Variants in ZNF695 observed in about 807,000 individuals in gnomAD.
The protein encoded by ZNF695 is zinc finger protein SBZF3.
In ZNF695, 11 loss-of-function variants were observed where a neutral mutation model predicts 11.2. That is an observed-to-expected ratio of 0.98 (90% CI 0.62 to 1.62). The LOEUF (loss-of-function observed/expected upper bound fraction) is 1.62, where lower values mean the gene tolerates loss of function less well. ZNF695 is among the 40% of genes most tolerant of loss of function. The probability of loss-of-function intolerance (pLI) is 0.00; values close to 1 mark genes in which losing one functional copy is unlikely to be tolerated. For synonymous variants in ZNF695, 190 were observed against 201.4 expected, an observed-to-expected ratio of 0.94 and a Z score of 0.48; for missense variants, 559 against 590.5, an observed-to-expected ratio of 0.95 and a Z score of 0.55.
At chr1:246,997,682 T>C (rs868200803) in intron 3 of ZNF695, among the ~76,000 whole-genome samples, 19 of 152,194 alleles carry the variant, frequency 1.2e-4, no homozygotes, top group Non-Finnish European at 2.2e-4. Flanking sequence ...TTGTGAATGC[T>C]GAATGGATAA....
rs1454415773 is a variant in ZNF695, at chr1:246,993,126, T to C, written c.260-4871A>G. On this transcript the variant is annotated intron_variant, in intron 3 of 3. Coordinates refer to ENST00000339986, the MANE Select transcript of ZNF695 (RefSeq NM_020394.5). ...GTGAAAACCTCTGTAATTAAGAAAA[T>C]AGCCGGGTGCAGTGGCTCACGCCAG... Among the ~76,000 whole-genome samples, 10 of 152,056 alleles carry C rather than the reference T, an allele frequency of 6.6e-5. No individual in the cohort carries two copies. The East Asian group carries it at 1.9e-3, about 29-fold the overall frequency.
intron 1 of ZNF695, among the ~76,000 whole-genome samples, chr1:247,003,019 A>T (rs865917463): frequency 6.6e-6 from 1 of 152,224 alleles, no homozygotes; most frequent in Non-Finnish European, 1.5e-5. Flanking sequence ...ACTGCTGGTG[A>T]AAACATAAAT....
rs573263010 is a variant in ZNF695 at position 246,964,987 on chromosome 1, C to G, written c.488+2708G>C. Reference sequence around the variant, plus strand: ...TGATTGGGTCGTGGGGCTCTGCCCTCATGAATGGATTAGTCTGCTCATGGA... The same window carrying G: ...TGATTGGGTCGTGGGGCTCTGCCCTGATGAATGGATTAGTCTGCTCATGGA... On this transcript the variant is annotated intron_variant, in intron 5 of 5. Transcript: ENST00000487338. 3.3e-5 allele frequency among the ~76,000 whole-genome samples: 5 copies of G among 152,308 alleles called. No individual in the cohort carries two copies. The South Asian group carries it at 1.0e-3, about 32-fold the overall frequency.
chr1:246,998,788 AAACCC>A (rs1224335078), intron 3 of ZNF695, among the ~76,000 whole-genome samples: 1 of 152,134 alleles, frequency 6.6e-6, no homozygotes, highest in Admixed American at 6.5e-5. Flanking sequence ...TAACATGGTG[AAACCC>A]TGTCTCTACT....
chr1:246,991,119 T>C (rs573550807), intron 3 of ZNF695, among the ~76,000 whole-genome samples: 2 of 152,086 alleles, frequency 1.3e-5, no homozygotes, highest in South Asian at 4.2e-4. Flanking sequence ...CAGAAATAAA[T>C]GAAATTAAAA....
At chr1:246,958,189 C>G (rs185380146) in intron 5 of ZNF695, among the ~76,000 whole-genome samples, 2,464 of 150,352 alleles carry the variant, frequency 0.016, 28 homozygotes, top group Non-Finnish European at 0.028. Flanking sequence ...CTCCCGAGTA[C>G]CTGGGACTAC....
chr1:246,965,635 G>A (rs1185393120), intron 5 of ZNF695, among the ~76,000 whole-genome samples: 1 of 151,846 alleles, frequency 6.6e-6, no homozygotes, highest in Non-Finnish European at 1.5e-5. Flanking sequence ...TACTCAGGAG[G>A]CTGATGCAGG....
At chr1:246,969,493 C>G (rs200405426) in intron 4 of ZNF695, 2 of 140,050 alleles carry the variant, frequency 1.4e-5, no homozygotes, top group Non-Finnish European at 3.2e-5. Flanking sequence ...AAGTTCCAAA[C>G]TTTTCCTTAT....
chr1:246,975,684 G>A (rs956985289), intron 4 of ZNF695, among the ~76,000 whole-genome samples: 1 of 152,196 alleles, frequency 6.6e-6, no homozygotes, highest in Non-Finnish European at 1.5e-5. Context: ...GAGCTAGGAA[G>A]CATATACAAC....
rs762248546 is a variant in ZNF695 at position 246,988,269 on chromosome 1, AAAC to A, written c.260-17_260-15del. On this transcript the variant is annotated splice_polypyrimidine_tract_variant and intron_variant, in intron 3 of 3. Coordinates refer to ENST00000339986, the MANE Select transcript of ZNF695 (RefSeq NM_020394.5). ...AAGAAGACAAAACTGGAAAAAATAA[AAAC>A]AACAAATTATTCCACTTACTAGATA... 1 of 1,525,212 alleles carries A rather than the reference AAAC, an allele frequency of 6.6e-7. No homozygotes were observed. Among genetic ancestry groups the A allele is most frequent in the South Asian group, 1.3e-5 (1 of 76,190 alleles). 94.5% of individuals were successfully genotyped at this position (1,525,212 alleles called of 1,614,324 possible). A position where few individuals can be genotyped will look rare whatever the true frequency, so the allele number is the denominator to read the frequency against.
intron 5 of ZNF695, among the ~76,000 whole-genome samples, chr1:246,959,110 A>T (rs914599518): frequency 6.7e-6 from 1 of 150,264 alleles, no homozygotes; most frequent in Non-Finnish European, 1.5e-5. Flanking sequence ...ACATAGCAAG[A>T]CCCTGTCTCT....
intron 3 of ZNF695, among the ~76,000 whole-genome samples, chr1:246,996,545 T>C (rs956540041): frequency 1.3e-5 from 2 of 151,908 alleles, no homozygotes; most frequent in Non-Finnish European, 1.5e-5. Flanking sequence ...GAAAAATAAA[T>C]AAATAAAACC....
chr1:246,975,158 T>C (rs149458368), intron 4 of ZNF695, among the ~76,000 whole-genome samples: 3 of 152,344 alleles, frequency 2.0e-5, no homozygotes, highest in Non-Finnish European at 2.9e-5. Context: ...TAAGGATCCT[T>C]ACATATATTG....
chr1:247,007,828 A>G lies in ZNF695; in HGVS notation c.3+78T>C, dbSNP rs1176845013. The G allele has an allele frequency of 5.5e-6, 8 of 1,451,042 alleles. No individual in the cohort carries two copies. In the African/African-American group the frequency reaches 1.0e-4, roughly 18 times the overall value. 89.9% of individuals were successfully genotyped at this position (1,451,042 alleles called of 1,614,324 possible). A position where few individuals can be genotyped will look rare whatever the true frequency, so the allele number is the denominator to read the frequency against. ...GACCGCCGGGAGGCCCGGGGCCGCCAGCGCTGGTTCCAGCCAATTCCAACC... is the reference window on the plus strand; with the variant it reads ...GACCGCCGGGAGGCCCGGGGCCGCCGGCGCTGGTTCCAGCCAATTCCAACC... On this transcript the variant is annotated intron_variant, in intron 1 of 3. Transcript: ENST00000339986.
chr1:246,994,143 GTTCAT>G, intron 3 of ZNF695, among the ~76,000 whole-genome samples: 1 of 152,090 alleles, frequency 6.6e-6, no homozygotes, highest in Non-Finnish European at 1.5e-5. Context: ...ATAAACATCT[GTTCAT>G]ATAAAAAGAT....
At chr1:246,992,013 G>A (rs901363086) in intron 3 of ZNF695, among the ~76,000 whole-genome samples, 24 of 151,932 alleles carry the variant, frequency 1.6e-4, no homozygotes, top group Non-Finnish European at 3.2e-4. Flanking sequence ...GGCTAACAAC[G>A]TGTAGCCGGG....
At chr1:246,995,712 G>C (rs1327245603) in intron 3 of ZNF695, among the ~76,000 whole-genome samples, 1 of 151,288 alleles carries the variant, frequency 6.6e-6, no homozygotes, top group Non-Finnish European at 1.5e-5. Flanking sequence ...CTACTCAGGA[G>C]GCTGAGGCAG....
rs371815385 is a variant in ZNF695 at position 246,987,245 on chromosome 1, T to C, written c.1270A>G (p.Thr424Ala). Residue 424 changes from threonine to alanine, a missense_variant, in exon 4 of 4, where the codon ACT (threonine) becomes GCT (alanine). Transcript: ENST00000339986. ...GKAFTWFSYL[T>A]QHKRIHTGEK... ...CCAGTATGAATTCTCTTATGTTGAGTAAGGTATGAAAACCAGGTAAAAGCT... is the reference window on the plus strand; with the variant it reads ...CCAGTATGAATTCTCTTATGTTGAGCAAGGTATGAAAACCAGGTAAAAGCT... The C allele has an allele frequency of 1.9e-6, 3 of 1,613,836 alleles. No homozygotes were observed. Among genetic ancestry groups the C allele is most frequent in the African/African-American group, 2.7e-5 (2 of 74,984 alleles).
intron 4 of ZNF695, among the ~76,000 whole-genome samples, chr1:246,975,052 A>G (rs533726964): frequency 2.6e-4 from 39 of 152,148 alleles, no homozygotes; most frequent in African/African-American, 8.2e-4. Flanking sequence ...ATTCATTTTT[A>G]TTTACTTCAT....
Sources: gnomAD v4.1 joint callset for allele counts (sites outside exome capture counted in the v4.1 genomes callset) on GRCh38, gnomAD v4.1.1 for gene constraint, MANE v1.5 for transcripts, NCBI Gene and HGNC (gene_info 2026-07-23, HGNC 2026-07-21) for gene names.